The following PHF14 variants were observed in gnomAD, a reference collection of about 807,000 sequenced individuals.
The protein encoded by PHF14 is PHD finger protein 14.
A neutral mutation model predicts 117.9 loss-of-function variants in PHF14; 55 were observed. The ratio of observed to expected loss-of-function variants is 0.47; its 90% CI spans 0.38 to 0.58. PHF14 has a LOEUF of 0.58. Among genes scored for constraint, PHF14 ranks in the 20% least tolerant of loss-of-function variants. PHF14 has a pLI of 0.00. For synonymous variants in PHF14, 409 were observed against 368.6 expected (o/e 1.11, Z -1.26); for missense variants, 978 against 1,122.2 (o/e 0.87, Z 1.84).
intron 7 of PHF14, among the ~76,000 whole-genome samples, chr7:11,032,940 G>C (rs1323108007): frequency 2.6e-5 from 4 of 152,150 alleles, no homozygotes; most frequent in Non-Finnish European, 4.4e-5. Context: ...CATAGGTCTT[G>C]GTTCAGCAAC....
At chr7:10,991,177 TTTTTA>T in intron 4 of PHF14, among the ~76,000 whole-genome samples, 1 of 151,366 alleles carries the variant, frequency 6.6e-6, no homozygotes, top group South Asian at 2.1e-4. Context: ...TTTTATTTTA[TTTTTA>T]TTTATTTATT....
rs114911240 is a variant in PHF14, at chr7:11,054,509, T to C, written c.2481+2729T>C. Among the ~76,000 whole-genome samples the C allele has an allele frequency of 3.5e-3, 529 of 152,256 alleles. 4 individuals carry two copies. Among genetic ancestry groups the C allele is most frequent in the African/African-American group, 0.012 (497 of 41,558 alleles). The stretch of plus-strand genomic sequence containing the variant: ...ATACAGAAGGGAGTGATCAGTCATT[T>C]TGGTCTTGATCTTACCATTTATGCT... On this transcript the variant is annotated intron_variant, in intron 14 of 17. Coordinates refer to ENST00000634607, the MANE Select transcript of PHF14 (RefSeq NM_001007157.2).
chr7:11,034,611 C>T (rs12154735), intron 7 of PHF14, among the ~76,000 whole-genome samples: 2,873 of 132,302 alleles, frequency 0.022, 39 homozygotes, highest in Middle Eastern at 0.059. Context: ...TGCAGTGGCG[C>T]GATCTCGGTT....
At chr7:10,994,470 TAA>T (rs1782563951) in intron 4 of PHF14, among the ~76,000 whole-genome samples, 1 of 152,062 alleles carries the variant, frequency 6.6e-6, no homozygotes, top group African/African-American at 2.4e-5. Flanking sequence ...GTAGCATGCT[TAA>T]GAGTGTTTGT....
chr7:11,042,698 G>A lies in PHF14; in HGVS notation c.2196G>A (p.Lys732=). ...PAVLYSCGIC[K]KNHDQHLLLL... ...TTATTAAAAGTTGTGGGATTTGTAA[G>A]AAGAACCATGATCAGCATCTTCTTT... is the stretch of plus-strand genomic sequence containing the variant. The change falls in exon 13 of 18, where the codon AAG becomes AAA. Residue 732 remains lysine, a synonymous_variant. Transcript: ENST00000634607. 1 of 1,583,458 alleles carries A rather than the reference G, an allele frequency of 6.3e-7. No homozygotes were observed. Among genetic ancestry groups the A allele is most frequent in the Non-Finnish European group, 8.6e-7 (1 of 1,164,342 alleles).
intron 5 of PHF14, 23 bp from the exon 6 acceptor site, chr7:11,022,845 A>C (rs1783782348): frequency 7.4e-7 from 1 of 1,357,752 alleles, no homozygotes; most frequent in Non-Finnish European, 1.0e-6. Flanking sequence ...ATTTGATAGC[A>C]AAATCATATC....
intron 4 of PHF14, 68 bp downstream of exon 4, chr7:10,990,915 G>A: frequency 9.0e-7 from 1 of 1,108,104 alleles, no homozygotes; most frequent in Admixed American, 2.5e-5. Flanking sequence ...TTGTACTAAG[G>A]TGGTTCTACA....
In PHF14 at chr7:11,075,574, T is replaced by G. The variant is rs1320458010; in HGVS notation, c.2654+13489T>G. 2.7e-5 allele frequency among the ~76,000 whole-genome samples: 4 copies of G among 147,660 alleles called. No homozygotes were observed. The East Asian group carries it at 5.9e-4, about 22-fold the overall frequency. ...ATGGGAAGGAAAGAGGTTTTTTTTT[T>G]TTTTTTTTTTTTTTTTATTATTATG... On this transcript the variant is annotated intron_variant, in intron 16 of 17. Coordinates refer to ENST00000634607, the MANE Select transcript of PHF14 (RefSeq NM_001007157.2).
At chr7:11,167,590 G>A (rs1789236915) in intron 17 of PHF14, among the ~76,000 whole-genome samples, 1 of 152,112 alleles carries the variant, frequency 6.6e-6, no homozygotes, top group Admixed American at 6.6e-5. Flanking sequence ...TTCCTTTGAG[G>A]AACAGATGGA....
chr7:11,009,488 T>TATGAA (rs113530198), intron 4 of PHF14, among the ~76,000 whole-genome samples: 11,516 of 152,194 alleles, frequency 0.076, 1,342 homozygotes, highest in African/African-American at 0.25. Flanking sequence ...ACTGAGCACA[T>TATGAA]ATGAGTTTTA....
At chr7:11,073,510 G>C (rs1261601697) in intron 16 of PHF14, among the ~76,000 whole-genome samples, 1 of 152,216 alleles carries the variant, frequency 6.6e-6, no homozygotes, top group Non-Finnish European at 1.5e-5. Flanking sequence ...TGGCTTTCCA[G>C]GATTCAGCCC....
intron 4 of PHF14, among the ~76,000 whole-genome samples, chr7:10,992,913 T>A (rs979125280): frequency 2.6e-5 from 4 of 152,206 alleles, no homozygotes; most frequent in Admixed American, 1.3e-4. Flanking sequence ...TAGACATTTT[T>A]AAATATATAG....
chr7:11,140,441 G>C (rs1168256701), intron 17 of PHF14, among the ~76,000 whole-genome samples: 1 of 151,986 alleles, frequency 6.6e-6, no homozygotes, highest in Admixed American at 6.6e-5. Flanking sequence ...TGTTTGCTAG[G>C]TATCTAGATA....
At chr7:10,978,326 T>G (rs1781938455) in intron 2 of PHF14, among the ~76,000 whole-genome samples, 1 of 152,212 alleles carries the variant, frequency 6.6e-6, no homozygotes, top group Admixed American at 6.5e-5. Context: ...AAATAGTTGA[T>G]ACAAAGGATG....
chr7:11,035,675 A>G lies in PHF14; in HGVS notation c.1491A>G (p.Gln497=). 6.2e-7 allele frequency: 1 copy of G among 1,610,610 alleles called. No homozygotes were observed. Among genetic ancestry groups the G allele is most frequent in the Non-Finnish European group, 8.5e-7 (1 of 1,177,228 alleles). The change falls in exon 8 of 18, where the codon CAA becomes CAG. Residue 497 remains glutamine, a synonymous_variant. Coordinates refer to ENST00000634607, the MANE Select transcript of PHF14 (RefSeq NM_001007157.2). The stretch of plus-strand genomic sequence containing the variant: ...ATCCATTCTTTGCTTATTGTAAGCA[A>G]CATGCAGATAGGTTAGACAGAAAGT... ...IADPFFAYCK[Q]HADRLDRKWK... is the part of the protein sequence containing the mutation.
chr7:11,156,246 T>C (rs1283912994), intron 17 of PHF14, among the ~76,000 whole-genome samples: 4 of 152,352 alleles, frequency 2.6e-5, no homozygotes, highest in East Asian at 1.9e-4. Flanking sequence ...GATAATAAAG[T>C]GCCACTACTG....
chr7:11,074,667 G>T (rs965312978), intron 16 of PHF14, among the ~76,000 whole-genome samples: 1 of 152,144 alleles, frequency 6.6e-6, no homozygotes, highest in Non-Finnish European at 1.5e-5. Flanking sequence ...TAGATCCCAA[G>T]AACATGCACA....
intron 13 of PHF14, among the ~76,000 whole-genome samples, chr7:11,048,854 C>G (rs949558449): frequency 6.6e-6 from 1 of 151,886 alleles, no homozygotes; most frequent in Admixed American, 6.6e-5. Flanking sequence ...TGGATATATT[C>G]TGCATTGGCA....
rs143673074 is a variant in PHF14 at position 11,138,325 on chromosome 7, G to A, written c.2772+26858G>A. Among the ~76,000 whole-genome samples, 1,178 of 152,174 alleles carry A rather than the reference G, an allele frequency of 7.7e-3. 10 individuals are homozygous for A. Among genetic ancestry groups the A allele is most frequent in the African/African-American group, 0.027 (1,125 of 41,528 alleles). On this transcript the variant is annotated intron_variant, in intron 17 of 17. Coordinates refer to ENST00000634607, the MANE Select transcript of PHF14 (RefSeq NM_001007157.2). Reference sequence around the variant, plus strand: ...CAAAGTGCTGGGATTACAGGCGTGAGCCACTGCGCCTGGCCGGAAAAATAT... The same window carrying A: ...CAAAGTGCTGGGATTACAGGCGTGAACCACTGCGCCTGGCCGGAAAAATAT...
Sources: gnomAD v4.1 joint callset for allele counts (sites outside exome capture counted in the v4.1 genomes callset) on GRCh38, gnomAD v4.1.1 for gene constraint, MANE v1.5 for transcripts, NCBI Gene and HGNC (gene_info 2026-07-23, HGNC 2026-07-21) for gene names.